RYR2: variants seen among roughly 807,000 people sequenced by gnomAD.
RYR2 encodes cardiac muscle ryanodine receptor-calcium release channel.
Under a neutral mutation model 601.1 loss-of-function variants are expected in RYR2, and 227 were observed. The observed-to-expected ratio is 0.38, with a 90% CI of 0.34 to 0.42. RYR2 has a LOEUF of 0.42. Among genes scored for constraint, RYR2 ranks in the 10% least tolerant of loss-of-function variants. The pLI, the probability that RYR2 is intolerant of heterozygous loss-of-function variation, is 1.00. For synonymous variants in RYR2, 2,223 were observed against 2,175.1 expected (o/e 1.02, Z -0.61); for missense variants, 4,646 against 6,156.5 (o/e 0.75, Z 8.21).
intron 49 of RYR2, among the ~76,000 whole-genome samples, chr1:237,649,581 T>C (rs370037854): frequency 4.6e-5 from 7 of 152,338 alleles, no homozygotes; most frequent in South Asian, 4.1e-4. Flanking sequence ...TATTGTCTTC[T>C]TACATTGATC....
At chr1:237,304,087 C>T (rs985027064) in intron 2 of RYR2, among the ~76,000 whole-genome samples, 4 of 152,108 alleles carry the variant, frequency 2.6e-5, no homozygotes, top group African/African-American at 9.7e-5. Context: ...CCCAGCTTTG[C>T]AATAGGATGA....
At chr1:237,812,822 A>G (rs914611787) in intron 100 of RYR2, among the ~76,000 whole-genome samples, 3 of 151,612 alleles carry the variant, frequency 2.0e-5, no homozygotes, top group African/African-American at 7.3e-5. Context: ...CCACCTGCCC[A>G]CTTCTTAAAA....
intron 24 of RYR2, among the ~76,000 whole-genome samples, chr1:237,527,625 C>T (rs1667724104): frequency 6.6e-6 from 1 of 152,170 alleles, no homozygotes; most frequent in African/African-American, 2.4e-5. Context: ...TTTGCCTCTT[C>T]ATCTCTTTAT....
At chr1:237,399,821 A>G (rs1703184558) in intron 10 of RYR2, among the ~76,000 whole-genome samples, 1 of 152,132 alleles carries the variant, frequency 6.6e-6, no homozygotes, top group Non-Finnish European at 1.5e-5. Flanking sequence ...AACAATGGGT[A>G]TAGGTAACCA....
chr1:237,148,521 A>ATTATATATAT (rs1417305977), intron 1 of RYR2, among the ~76,000 whole-genome samples: 4 of 44,004 alleles, frequency 9.1e-5, no homozygotes, highest in African/African-American at 2.9e-4. Context: ...CAAGTAAAAA[A>ATTATATATAT]AAAAAAATAT....
intron 1 of RYR2, among the ~76,000 whole-genome samples, chr1:237,239,909 G>A (rs1685967323): frequency 6.6e-6 from 1 of 152,158 alleles, no homozygotes; most frequent in African/African-American, 2.4e-5. Flanking sequence ...CTGAGGGATA[G>A]TTAAGATTTA....
At chr1:237,700,133 G>A in intron 64 of RYR2, 96 bp from the exon 65 acceptor site, 1 of 814,610 alleles carries the variant, frequency 1.2e-6, no homozygotes, top group Non-Finnish European at 1.9e-6. Flanking sequence ...GGTGAGTAGA[G>A]TAATGGAGAA....
intron 1 of RYR2, among the ~76,000 whole-genome samples, chr1:237,089,494 A>G (rs948544792): frequency 6.6e-6 from 1 of 152,242 alleles, no homozygotes. Flanking sequence ...CCATCTAGCC[A>G]CATGATTTTA....
intron 25 of RYR2, among the ~76,000 whole-genome samples, chr1:237,540,548 A>G (rs917989311): frequency 6.6e-6 from 1 of 152,034 alleles, no homozygotes; most frequent in African/African-American, 2.4e-5. Flanking sequence ...CTCTACTAAA[A>G]ATACAAAAAT....
chr1:237,445,574 T>C, intron 14 of RYR2, 52 bp downstream of exon 14: 1 of 1,600,836 alleles, frequency 6.2e-7, no homozygotes, highest in Non-Finnish European at 8.5e-7. Flanking sequence ...TTCATTTCTT[T>C]ATTGGATATG....
intron 88 of RYR2, among the ~76,000 whole-genome samples, chr1:237,779,569 C>G (rs1358830996): frequency 2.0e-5 from 3 of 152,156 alleles, no homozygotes; most frequent in African/African-American, 2.4e-5. Flanking sequence ...TGGGCCAGGT[C>G]TCTCTTCCCT....
intron 2 of RYR2, among the ~76,000 whole-genome samples, chr1:237,300,147 A>G (rs553531179): frequency 2.6e-5 from 4 of 152,288 alleles, no homozygotes; most frequent in African/African-American, 9.6e-5. Context: ...TGGGTCTAAT[A>G]TAGGGGAGTG....
At chr1:237,723,579 T>G (rs1689932096) in intron 74 of RYR2, among the ~76,000 whole-genome samples, 1 of 152,176 alleles carries the variant, frequency 6.6e-6, no homozygotes, top group Non-Finnish European at 1.5e-5. Flanking sequence ...TTACATCTGA[T>G]TTCAAATACT....
chr1:237,099,166 CCCA>C (rs1667809736), intron 1 of RYR2, among the ~76,000 whole-genome samples: 5 of 151,676 alleles, frequency 3.3e-5, no homozygotes, highest in African/African-American at 1.2e-4. Context: ...GTTAATTCAG[CCCA>C]GCTGGTCAGC....
Position 237,614,486 on chromosome 1 carries a change from C to T in RYR2, c.5358C>T (p.Ile1786=). Residue 1786 remains isoleucine (I), a synonymous_variant, in exon 37 of 105, where the codon ATC becomes ATT. Transcript: ENST00000366574. This position sits in a 1 kb window ranked among gnomAD's most constrained non-coding sequence, Gnocchi z 4.3. ...YQYSPEFPLD[I]LKSKTIQMLT... is the part of the protein sequence containing the mutation. Reference sequence around the variant, plus strand: ...ACAGTCCAGAGTTCCCACTGGACATCCTCAAGTCCAAAACCATACAGATGC... The same window carrying T: ...ACAGTCCAGAGTTCCCACTGGACATTCTCAAGTCCAAAACCATACAGATGC... 6.2e-7 allele frequency: 1 copy of T among 1,614,006 alleles called. No homozygotes were observed. Among genetic ancestry groups the T allele is most frequent in the South Asian group, 1.1e-5 (1 of 91,080 alleles).
chr1:237,593,723 C>A, intron 33 of RYR2, 87 bp downstream of exon 33: 1 of 1,359,930 alleles, frequency 7.4e-7, no homozygotes, highest in Non-Finnish European at 1.0e-6. Flanking sequence ...ATTTTGTGAC[C>A]AAGGTATTTC....
At position 237,832,462 on chromosome 1, in the gene RYR2, C is replaced by A. The variant is rs1335964501; in HGVS notation, c.14809-90C>A. On this transcript the variant is annotated intron_variant, in intron 104 of 104. Coordinates refer to ENST00000366574, the MANE Select transcript of RYR2 (RefSeq NM_001035.3). ...TTAATGTGGACTTCTCTATTCCGTG[C>A]GATATAGGTAACAGAATTGAGTTTC... is the stretch of plus-strand genomic sequence containing the variant. 8 of 743,374 alleles carry A rather than the reference C, an allele frequency of 1.1e-5. No homozygotes were observed. In the East Asian group the frequency reaches 1.6e-4, roughly 15 times the overall value. The allele number at this position is 743,374 out of a possible 1,614,324, so 46.0% of individuals were successfully genotyped here.
At chr1:237,055,133 G>T (rs900486792) in intron 1 of RYR2, among the ~76,000 whole-genome samples, 1 of 152,144 alleles carries the variant, frequency 6.6e-6, no homozygotes, top group Non-Finnish European at 1.5e-5. Flanking sequence ...ACCCTTGAGA[G>T]TGCCATTCCC....
intron 1 of RYR2, among the ~76,000 whole-genome samples, chr1:237,096,410 C>A (rs930051451): frequency 1.3e-5 from 2 of 152,134 alleles, no homozygotes. Context: ...GTACACTTCT[C>A]GTTAATTGTT....
Sources: allele counts gnomAD v4.1 joint callset (sites outside exome capture counted in the v4.1 genomes callset), GRCh38; gene constraint gnomAD v4.1.1; non-coding constraint Gnocchi (gnomAD v3.1); transcripts MANE v1.5; gene names NCBI Gene and HGNC (gene_info 2026-07-23, HGNC 2026-07-21).